Variants in RCOR2 observed in about 807,000 individuals in gnomAD.
RCOR2 encodes the protein REST corepressor 2.
RCOR2 carries 19 observed loss-of-function variants against 58.9 expected under a neutral mutation model. The ratio of observed to expected loss-of-function variants is 0.32; its 90% CI spans 0.23 to 0.47. RCOR2 has a LOEUF of 0.47. Among genes scored for constraint, RCOR2 ranks in the 20% least tolerant of loss-of-function variants. The probability of loss-of-function intolerance (pLI) is 1.00; values close to 1 mark genes in which losing one functional copy is unlikely to be tolerated. For synonymous variants in RCOR2, 286 were observed against 278.7 expected, an observed-to-expected ratio of 1.03 and a Z score of -0.26; for missense variants, 590 against 707.9, an observed-to-expected ratio of 0.83 and a Z score of 1.89.
chr11:63,924,186 G>A, the RCOR2 span, among the ~76,000 whole-genome samples: 1 of 151,516 alleles, frequency 6.6e-6, no homozygotes, highest in South Asian at 2.1e-4. Context: ...GGGATAACAG[G>A]CGTGAGCCAC....
Position 63,911,695 on chromosome 11 carries a change from GC to G in RCOR2, c.*169del. ...ATGGCCCCAGGAGACAGGCCCAGCT[GC>G]CAGGAACACATGCAGAACCCAAAGG... On this transcript the variant is annotated 3_prime_UTR_variant, in exon 12 of 12. Transcript: ENST00000301459. 1.8e-6 allele frequency: 2 copies of G among 1,127,094 alleles called. No individual in the cohort carries two copies. The highest frequency in any genetic ancestry group is 2.3e-6 in the Non-Finnish European group (2 of 858,298). 69.8% of individuals were successfully genotyped at this position (1,127,094 alleles called of 1,614,324 possible). A position where few individuals can be genotyped will look rare whatever the true frequency, so the allele number is the denominator to read the frequency against.
At chr11:63,921,221 C>A (rs2840079), upstream of RCOR2, among the ~76,000 whole-genome samples, 74,537 of 152,086 alleles carry the variant, frequency 0.49, 20,414 homozygotes, top group East Asian at 0.87. Context: ...TGCTTGGTTT[C>A]TCCGGAAACT....
chr11:63,912,895 C>G lies in RCOR2; in HGVS notation c.944G>C (p.Gly315Ala), dbSNP rs1941796909. The change falls in exon 9 of 12, where the codon GGT becomes GCT. Residue 315 changes from glycine (G) to alanine (A), a missense_variant. Around this residue, in one of 3 missense-constraint regions of RCOR2, gnomAD observed 390 missense variants for 478.7 expected, o/e 0.81. Coordinates refer to ENST00000301459, the MANE Select transcript of RCOR2 (RefSeq NM_173587.4). ...CTCCGGGGGGCGTAGTGGATCAATA[C>G]CGCCCTCCAGGGCTTGGCGCAGGCT... ...NSSLRQALEGGIDPLRPPEAN... is the reference protein window; with the variant it reads ...NSSLRQALEGAIDPLRPPEAN... The G allele has an allele frequency of 2.5e-6, 4 of 1,613,628 alleles. No individual in the cohort carries two copies. Among genetic ancestry groups the G allele is most frequent in the Non-Finnish European group, 3.4e-6 (4 of 1,179,896 alleles).
rs1353327010 is a variant in RCOR2, at chr11:63,911,857, G to C, written c.*8C>G. ...CTGGAGCCCGTGGTTGGTGGAGGAC[G>C]TCAGGGCTCAGAGTGAGGGTGCTGG... is the stretch of plus-strand genomic sequence containing the variant. On this transcript the variant is annotated 3_prime_UTR_variant, in exon 12 of 12. Transcript: ENST00000301459. 1 of 1,478,914 alleles carries C rather than the reference G, an allele frequency of 6.8e-7. No individual in the cohort carries two copies. Among genetic ancestry groups the C allele is most frequent in the African/African-American group, 1.5e-5 (1 of 68,564 alleles). 91.6% of individuals were successfully genotyped at this position (1,478,914 alleles called of 1,614,324 possible).
chr11:63,912,166 G>A lies in RCOR2; in HGVS notation c.1271C>T (p.Ser424Leu), dbSNP rs765607155. 2.6e-5 allele frequency: 41 copies of A among 1,552,152 alleles called. No homozygotes were observed. Among genetic ancestry groups the A allele is most frequent in the East Asian group, 1.2e-4 (5 of 41,502 alleles). Residue 424 changes from serine to leucine, a missense_variant, in exon 12 of 12, where the codon TCG becomes TTG. This residue lies in a region of RCOR2 where 196 missense variants were observed against 210.7 expected (regional missense o/e 0.93). Transcript: ENST00000301459. Reference protein sequence around the residue: ...LEEDDEVQITSVSTSVPRSVP... With the variant: ...LEEDDEVQITLVSTSVPRSVP... Reference sequence around the variant, plus strand: ...TGATCGGGGCACGGACGTGGAGACCGATGTAATCTGGACCTGAGGGGAGAG... The same window carrying A: ...TGATCGGGGCACGGACGTGGAGACCAATGTAATCTGGACCTGAGGGGAGAG...
At chr11:63,915,441 C>T (rs1051064449) in intron 2 of RCOR2, 114 bp downstream of exon 2, 1 of 1,240,758 alleles carries the variant, frequency 8.1e-7, no homozygotes, top group Non-Finnish European at 1.1e-6. Flanking sequence ...GGGCCACCCA[C>T]CCCTGCCAGC....
intron 10 of RCOR2, 25 bp from the exon 11 acceptor site, chr11:63,912,559 C>T (rs768908156): frequency 1.4e-5 from 23 of 1,597,670 alleles, no homozygotes; most frequent in South Asian, 1.2e-4. Flanking sequence ...AGGGCAGCAG[C>T]GTCAATACCC....
rs758952584 is a variant in RCOR2, at chr11:63,912,016, C to T, written c.1421G>A (p.Arg474His). Reference sequence around the variant, plus strand: ...GGGGGCCAGCCGGGGCTGGAGGAAGCGGCCCTGCTGCAGTGGGGGTGGCTG... The same window carrying T: ...GGGGGCCAGCCGGGGCTGGAGGAAGTGGCCCTGCTGCAGTGGGGGTGGCTG... ...LRQPPPLQQG[R>H]FLQPRLAPNQ... Residue 474 changes from arginine (R) to histidine (H), a missense_variant, in exon 12 of 12, where the codon CGC becomes CAC. Transcript: ENST00000301459. 17 of 1,434,742 alleles carry T rather than the reference C, an allele frequency of 1.2e-5. No homozygotes were observed. Among genetic ancestry groups the T allele is most frequent in the South Asian group, 1.1e-4 (8 of 70,336 alleles). 88.9% of individuals were successfully genotyped at this position (1,434,742 alleles called of 1,614,324 possible).
At chr11:63,918,635 G>T (rs922378075), upstream of RCOR2, among the ~76,000 whole-genome samples, 2 of 152,110 alleles carry the variant, frequency 1.3e-5, no homozygotes, top group African/African-American at 4.8e-5. Context: ...TTCCCAGGCC[G>T]ACCCCTCCTA....
rs1455774668 is a variant in RCOR2 at position 63,911,845 on chromosome 11, T to C, written c.*20A>G. 6.8e-6 allele frequency: 10 copies of C among 1,481,474 alleles called. No homozygotes were observed. Among genetic ancestry groups the C allele is most frequent in the Non-Finnish European group, 8.0e-6 (9 of 1,128,304 alleles). The allele number at this position is 1,481,474 out of a possible 1,614,324, so 91.8% of individuals were successfully genotyped here. The stretch of plus-strand genomic sequence containing the variant: ...AGCAAAGGGGTCCTGGAGCCCGTGG[T>C]TGGTGGAGGACGTCAGGGCTCAGAG... On this transcript the variant is annotated 3_prime_UTR_variant, in exon 12 of 12. Coordinates refer to ENST00000301459, the MANE Select transcript of RCOR2 (RefSeq NM_173587.4).
the RCOR2 span, among the ~76,000 whole-genome samples, chr11:63,924,851 G>A: frequency 1.6e-5 from 1 of 63,160 alleles, no homozygotes; most frequent in African/African-American, 3.6e-5. Context: ...GCCCAGCCAA[G>A]GTGATTTTTT....
Position 63,911,762 on chromosome 11 carries a change from C to G in RCOR2, c.*103G>C. 1.4e-6 allele frequency: 2 copies of G among 1,401,130 alleles called. No individual in the cohort carries two copies. The highest frequency in any genetic ancestry group is 1.8e-6 in the Non-Finnish European group (2 of 1,087,678). The allele number at this position is 1,401,130 out of a possible 1,614,324, so 86.8% of individuals were successfully genotyped here. A position where few individuals can be genotyped will look rare whatever the true frequency, so the allele number is the denominator to read the frequency against. On this transcript the variant is annotated 3_prime_UTR_variant, in exon 12 of 12. Coordinates refer to ENST00000301459, the MANE Select transcript of RCOR2 (RefSeq NM_173587.4). ...CCGAAACTCTGGTCTTACAAAGACC[C>G]CGCCAGAGCCCTAGTCCCTTCTGTC...
Position 63,912,081 on chromosome 11 carries a change from C to T in RCOR2, c.1356G>A (p.Leu452=). ...PPTSLSQPPP[L]LRPPLPTAPT... is the part of the protein sequence containing the mutation. The stretch of plus-strand genomic sequence containing the variant: ...GAGCCGTGGGCAAAGGTGGCCTCAG[C>T]AGCGGGGGTGGCTGGGACAGCGAGG... The change falls in exon 12 of 12, where the codon CTG becomes CTA. Residue 452 remains leucine, a synonymous_variant. Coordinates refer to ENST00000301459, the MANE Select transcript of RCOR2 (RefSeq NM_173587.4). The T allele has an allele frequency of 6.8e-7, 1 of 1,469,696 alleles. No individual in the cohort carries two copies. The highest frequency in any genetic ancestry group is 1.3e-5 in the South Asian group (1 of 77,120). 91.0% of individuals were successfully genotyped at this position (1,469,696 alleles called of 1,614,324 possible). A position where few individuals can be genotyped will look rare whatever the true frequency, so the allele number is the denominator to read the frequency against.
chr11:63,919,701 C>T (rs995404326), upstream of RCOR2, among the ~76,000 whole-genome samples: 1 of 152,246 alleles, frequency 6.6e-6, no homozygotes, highest in Non-Finnish European at 1.5e-5. Flanking sequence ...GAACCCGGGG[C>T]CCTCACCTAC....
At chr11:63,916,305 T>G in intron 1 of RCOR2, 25 bp downstream of exon 1, 1 of 1,581,788 alleles carries the variant, frequency 6.3e-7, no homozygotes, top group Non-Finnish European at 8.6e-7. Flanking sequence ...CCGGCGCGCC[T>G]TTAACCCTAG....
At chr11:63,917,264 G>A (rs1214803428), upstream of RCOR2, among the ~76,000 whole-genome samples, 1 of 151,926 alleles carries the variant, frequency 6.6e-6, no homozygotes, top group East Asian at 1.9e-4. Context: ...GTGGGAGGGA[G>A]GGCCCGGGGG....
upstream of RCOR2, among the ~76,000 whole-genome samples, chr11:63,917,578 C>T (rs913074711): frequency 6.6e-6 from 1 of 152,186 alleles, no homozygotes; most frequent in African/African-American, 2.4e-5. Flanking sequence ...TCCCCGCCCC[C>T]CCTTCCGCAG....
chr11:63,924,498 C>T, the RCOR2 span, among the ~76,000 whole-genome samples: 1 of 152,148 alleles, frequency 6.6e-6, no homozygotes, highest in Non-Finnish European at 1.5e-5. Flanking sequence ...CCCTTTATGT[C>T]TCTCCCCATT....
chr11:63,916,689 G>A lies in RCOR2; in HGVS notation c.-233C>T. 1 of 621,010 alleles carries A rather than the reference G, an allele frequency of 1.6e-6. No individual in the cohort carries two copies. Among genetic ancestry groups the A allele is most frequent in the Non-Finnish European group, 2.7e-6 (1 of 372,244 alleles). 38.5% of individuals were successfully genotyped at this position (621,010 alleles called of 1,614,324 possible). On this transcript the variant is annotated 5_prime_UTR_variant, in exon 1 of 12. Transcript: ENST00000301459. ...TCAGAAAAGTTTGTGCAGAAGTGGG[G>A]GACGCAAGGGATGAGCGCAAGGTCC...
Sources: gnomAD v4.1 joint callset for allele counts (sites outside exome capture counted in the v4.1 genomes callset) on GRCh38, gnomAD v4.1.1 for gene constraint, gnomAD v4.1.1 regional missense constraint, MANE v1.5 for transcripts, NCBI Gene and HGNC (gene_info 2026-07-23, HGNC 2026-07-21) for gene names.